Variants in CCSER1 observed in about 807,000 individuals in gnomAD.
CCSER1 encodes serine-rich coiled-coil domain-containing protein 1.
A neutral mutation model predicts 82.0 loss-of-function variants in CCSER1; 41 were observed. The observed-to-expected ratio is 0.50, with a 90% CI of 0.39 to 0.65. The LOEUF (loss-of-function observed/expected upper bound fraction) is 0.65, where lower values mean the gene tolerates loss of function less well. CCSER1 is among the 30% of genes least tolerant of loss of function. The probability of loss-of-function intolerance (pLI) is 0.00; values close to 1 mark genes in which losing one functional copy is unlikely to be tolerated. For synonymous variants in CCSER1, 414 were observed against 383.9 expected, an observed-to-expected ratio of 1.08 and a Z score of -0.92; for missense variants, 1,119 against 1,064.2, an observed-to-expected ratio of 1.05 and a Z score of -0.72.
chr4:90,497,598 G>T (rs1048122046), intron 5 of CCSER1, among the ~76,000 whole-genome samples: 5 of 152,222 alleles, frequency 3.3e-5, no homozygotes, highest in Admixed American at 2.0e-4. Flanking sequence ...CCACAAAAGA[G>T]AAGAAGTAGC....
At position 91,203,281 on chromosome 4, in the gene CCSER1, A is replaced by C. The variant is rs530094699; in HGVS notation, c.2217+117287A>C. Reference sequence around the variant, plus strand: ...GCTTTTTTTCATGTGGCAGACTACTATCTTTTATCAAATAAGGAAAGATTT... The same window carrying C: ...GCTTTTTTTCATGTGGCAGACTACTCTCTTTTATCAAATAAGGAAAGATTT... On this transcript the variant is annotated intron_variant, in intron 10 of 10. Transcript: ENST00000509176. Among the ~76,000 whole-genome samples the C allele has an allele frequency of 2.6e-5, 4 of 152,082 alleles. No individual in the cohort carries two copies. The South Asian group carries it at 8.3e-4, about 31-fold the overall frequency.
intron 10 of CCSER1, among the ~76,000 whole-genome samples, chr4:91,584,294 T>G (rs1403391905): frequency 6.6e-6 from 1 of 151,402 alleles, no homozygotes; most frequent in Non-Finnish European, 1.5e-5. Context: ...AGAGAAAATA[T>G]TTGAGGCTCT....
intron 10 of CCSER1, among the ~76,000 whole-genome samples, chr4:91,235,589 A>C (rs913343368): frequency 6.6e-6 from 1 of 152,098 alleles, no homozygotes; most frequent in Non-Finnish European, 1.5e-5. Context: ...AAATCAACGT[A>C]TCTTTTTATA....
chr4:90,670,462 C>T (rs1055811280), intron 6 of CCSER1, among the ~76,000 whole-genome samples: 11 of 151,946 alleles, frequency 7.2e-5, no homozygotes, highest in African/African-American at 2.2e-4. Flanking sequence ...TATAATTGTC[C>T]CCACCTTGAG....
intron 6 of CCSER1, among the ~76,000 whole-genome samples, chr4:90,644,605 A>G (rs1727157045): frequency 6.6e-6 from 1 of 151,954 alleles, no homozygotes; most frequent in Admixed American, 6.6e-5. Context: ...TTGGCTATTT[A>G]TCCTGATGCT....
intron 7 of CCSER1, among the ~76,000 whole-genome samples, chr4:90,771,241 A>G (rs1320741632): frequency 6.6e-6 from 1 of 152,072 alleles, no homozygotes; most frequent in Non-Finnish European, 1.5e-5. Context: ...TCGAAATAAA[A>G]TATGAAATAT....
chr4:91,006,596 TCTC>T (rs1317621414), intron 9 of CCSER1, among the ~76,000 whole-genome samples: 1 of 151,874 alleles, frequency 6.6e-6, no homozygotes. Context: ...TTCACACCAT[TCTC>T]CTGCCTCAGC....
chr4:90,480,922 G>T (rs28795438), intron 5 of CCSER1, among the ~76,000 whole-genome samples: 10,211 of 151,746 alleles, frequency 0.067, 436 homozygotes, highest in African/African-American at 0.1. Flanking sequence ...AAGAAAGTCA[G>T]TGGTAGCTTG....
intron 10 of CCSER1, among the ~76,000 whole-genome samples, chr4:91,485,231 C>A (rs1758153529): frequency 6.6e-6 from 1 of 152,024 alleles, no homozygotes; most frequent in African/African-American, 2.4e-5. Flanking sequence ...TCTTAAATAT[C>A]ATTTTCACAA....
At chr4:91,085,502 T>A (rs1292514743) in intron 9 of CCSER1, among the ~76,000 whole-genome samples, 1 of 152,046 alleles carries the variant, frequency 6.6e-6, no homozygotes, top group Admixed American at 6.6e-5. Context: ...GGAAATAAAA[T>A]CCTGAATATT....
At chr4:90,311,240 A>G (rs1031560018) in intron 2 of CCSER1, among the ~76,000 whole-genome samples, 1 of 152,138 alleles carries the variant, frequency 6.6e-6, no homozygotes, top group Non-Finnish European at 1.5e-5. Context: ...AAAGAGATAG[A>G]AATGCAATTA....
intron 10 of CCSER1, among the ~76,000 whole-genome samples, chr4:91,564,731 T>C (rs948020590): frequency 2.0e-5 from 3 of 151,952 alleles, no homozygotes; most frequent in Admixed American, 6.6e-5. Flanking sequence ...TTAATGCTAT[T>C]GTTTCTCTCT....
intron 10 of CCSER1, among the ~76,000 whole-genome samples, chr4:91,501,523 C>A (rs1759211105): frequency 6.6e-6 from 1 of 151,826 alleles, no homozygotes; most frequent in Non-Finnish European, 1.5e-5. Flanking sequence ...TTAATTATTA[C>A]CCCTAATATA....
At chr4:90,823,223 A>G (rs747862267) in intron 8 of CCSER1, among the ~76,000 whole-genome samples, 8 of 152,088 alleles carry the variant, frequency 5.3e-5, no homozygotes, top group Non-Finnish European at 1.0e-4. Context: ...TCACACACAC[A>G]CATACATACA....
At chr4:90,937,172 C>T (rs1417238840) in intron 9 of CCSER1, among the ~76,000 whole-genome samples, 1 of 152,014 alleles carries the variant, frequency 6.6e-6, no homozygotes, top group East Asian at 1.9e-4. Flanking sequence ...AGAGAAACCA[C>T]GTGAAGGGAA....
intron 5 of CCSER1, among the ~76,000 whole-genome samples, chr4:90,479,845 A>G (rs964833480): frequency 2.6e-5 from 4 of 152,210 alleles, no homozygotes; most frequent in African/African-American, 4.8e-5. Flanking sequence ...ATACGTGTGC[A>G]TGTGTCTTTA....
intron 8 of CCSER1, among the ~76,000 whole-genome samples, chr4:90,848,205 G>A (rs554723668): frequency 2.0e-5 from 3 of 152,244 alleles, no homozygotes; most frequent in African/African-American, 7.2e-5. Context: ...TAGCAATGAA[G>A]CACATATATC....
intron 10 of CCSER1, among the ~76,000 whole-genome samples, chr4:91,104,059 C>T (rs1195941022): frequency 1.3e-5 from 2 of 151,988 alleles, no homozygotes; most frequent in African/African-American, 4.8e-5. Context: ...TGAGATAAGC[C>T]CTGGTCTCCT....
chr4:90,675,379 A>G (rs1319816377), intron 6 of CCSER1, among the ~76,000 whole-genome samples: 1 of 151,900 alleles, frequency 6.6e-6, no homozygotes, highest in Non-Finnish European at 1.5e-5. Flanking sequence ...AATATTCTAT[A>G]TTACTATATG....
Sources: gnomAD v4.1 joint callset for allele counts (sites outside exome capture counted in the v4.1 genomes callset) on GRCh38, gnomAD v4.1.1 for gene constraint, MANE v1.5 for transcripts, NCBI Gene and HGNC (gene_info 2026-07-23, HGNC 2026-07-21) for gene names.